Variants in FOXP1 observed in about 807,000 individuals in gnomAD.
FOXP1 encodes forkhead box P1.
A neutral mutation model predicts 98.2 loss-of-function variants in FOXP1; 15 were observed. The observed-to-expected ratio is 0.15, with a 90% CI of 0.10 to 0.24. The LOEUF (loss-of-function observed/expected upper bound fraction) is 0.24. Among genes scored for constraint, FOXP1 ranks in the 10% least tolerant of loss-of-function variants. The probability of loss-of-function intolerance (pLI) is 1.00; values close to 1 mark genes in which losing one functional copy is unlikely to be tolerated. For synonymous variants in FOXP1, 371 were observed against 314.5 expected, an observed-to-expected ratio of 1.18 and a Z score of -1.90; for missense variants, 633 against 848.5, an observed-to-expected ratio of 0.75 and a Z score of 3.15.
At chr3:71,264,074 T>C (rs1213084856) in intron 5 of FOXP1, among the ~76,000 whole-genome samples, 2 of 152,152 alleles carry the variant, frequency 1.3e-5, no homozygotes, top group Non-Finnish European at 2.9e-5. Flanking sequence ...TCAGAAAGGA[T>C]ATCTGTCTAG....
At chr3:71,451,217 T>C (rs1370531877) in intron 3 of FOXP1, among the ~76,000 whole-genome samples, 1 of 152,202 alleles carries the variant, frequency 6.6e-6, no homozygotes, top group East Asian at 1.9e-4. Context: ...CCACCAGGCC[T>C]GAAATCATTC....
At chr3:71,201,221 A>G (rs1296020511) in intron 5 of FOXP1, among the ~76,000 whole-genome samples, 1 of 152,260 alleles carries the variant, frequency 6.6e-6, no homozygotes, top group African/African-American at 2.4e-5. Flanking sequence ...TATAAGAATC[A>G]GGTAACAAGA....
At position 70,994,602 on chromosome 3, in the gene FOXP1, T is replaced by C. The variant is rs151201582; in HGVS notation, c.1062+6370A>G. Among the ~76,000 whole-genome samples the C allele has an allele frequency of 2.0e-5, 3 of 152,278 alleles. No homozygotes were observed. The East Asian group carries it at 5.8e-4, about 29-fold the overall frequency. On this transcript the variant is annotated intron_variant, in intron 13 of 20. Coordinates refer to ENST00000649528, the MANE Select transcript of FOXP1 (RefSeq NM_001349338.3). ...CCTGGTCTTACCCTACTAGGTTGTG[T>C]ATTACGGGAAGAGGCCACACCACCT... is the stretch of plus-strand genomic sequence containing the variant.
intron 2 of FOXP1, among the ~76,000 whole-genome samples, chr3:71,551,052 G>A (rs1470899638): frequency 6.6e-6 from 1 of 152,156 alleles, no homozygotes; most frequent in Non-Finnish European, 1.5e-5. Flanking sequence ...GAAACACTGA[G>A]AAAACTGGTT....
chr3:71,011,481 T>C (rs945251053), intron 12 of FOXP1, among the ~76,000 whole-genome samples: 1 of 152,098 alleles, frequency 6.6e-6, no homozygotes, highest in Non-Finnish European at 1.5e-5. Flanking sequence ...GAAGACAACA[T>C]AGAAAAACAG....
chr3:71,166,987 T>C (rs553531969), intron 6 of FOXP1, among the ~76,000 whole-genome samples: 72 of 152,196 alleles, frequency 4.7e-4, no homozygotes, highest in African/African-American at 1.7e-3. Flanking sequence ...TCCGGTTATC[T>C]TGTTCTGTGA....
chr3:71,116,867 A>G (rs552716469), intron 6 of FOXP1, among the ~76,000 whole-genome samples: 2 of 152,210 alleles, frequency 1.3e-5, no homozygotes, highest in Admixed American at 1.3e-4. Flanking sequence ...TCCACCATCT[A>G]TGATTTGTAA....
At position 71,031,960 on chromosome 3, in the gene FOXP1, A is replaced by C. The variant is rs551115939; in HGVS notation, c.869+9368T>G. 2.0e-5 allele frequency among the ~76,000 whole-genome samples: 3 copies of C among 152,340 alleles called. No homozygotes were observed. The South Asian group carries it at 6.2e-4, about 32-fold the overall frequency. On this transcript the variant is annotated intron_variant, in intron 11 of 20. Coordinates refer to ENST00000649528, the MANE Select transcript of FOXP1 (RefSeq NM_001349338.3). ...CTGCTGAGTTAACCACGTGCTTCAAAAAATAAAGGGGGAGGAAAGGAAGCC... is the reference window on the plus strand; with the variant it reads ...CTGCTGAGTTAACCACGTGCTTCAACAAATAAAGGGGGAGGAAAGGAAGCC...
intron 3 of FOXP1, among the ~76,000 whole-genome samples, chr3:71,410,753 C>T (rs1275171734): frequency 6.6e-6 from 1 of 152,198 alleles, no homozygotes; most frequent in East Asian, 1.9e-4. Flanking sequence ...AGGCTTTGTT[C>T]CATGATACCT....
chr3:71,548,292 TACAC>T (rs911399984), intron 2 of FOXP1, among the ~76,000 whole-genome samples: 2 of 152,092 alleles, frequency 1.3e-5, no homozygotes, highest in Admixed American at 6.5e-5. Flanking sequence ...CATACACAAA[TACAC>T]ACACACACAA....
Position 71,015,647 on chromosome 3 carries a change from G to A in FOXP1, c.876C>T (p.Ser292=), listed in dbSNP as rs750568434. The change falls in exon 12 of 21, where the codon TCC becomes TCT. Residue 292 remains serine (S), a synonymous_variant. Transcript: ENST00000649528. ...GATGGCTATGGGGGTGCTCCTCATG[G>A]GACAAACTGAAAGAAAACACACAGA... ...SVHTPKRESL[S]HEEHPHSHPL... 6 of 1,604,670 alleles carry A rather than the reference G, an allele frequency of 3.7e-6. No individual in the cohort carries two copies. Among genetic ancestry groups the A allele is most frequent in the Non-Finnish European group, 2.6e-6 (3 of 1,171,758 alleles).
chr3:71,053,171 G>A (rs1197420749), intron 8 of FOXP1, among the ~76,000 whole-genome samples: 1 of 152,126 alleles, frequency 6.6e-6, no homozygotes, highest in South Asian at 2.1e-4. Flanking sequence ...ATCGTATGTG[G>A]AAGAAGTAAA....
chr3:71,533,223 T>C (rs2044002892), intron 2 of FOXP1, among the ~76,000 whole-genome samples: 1 of 152,220 alleles, frequency 6.6e-6, no homozygotes, highest in South Asian at 2.1e-4. Context: ...TTGAACAACC[T>C]GGGTTGGAAG....
intron 6 of FOXP1, chr3:71,130,680 A>G (rs764568997): frequency 6.3e-7 from 1 of 1,583,372 alleles, no homozygotes; most frequent in Non-Finnish European, 8.5e-7. Context: ...ACACACTGGA[A>G]CATTGCCCTT....
chr3:71,230,164 G>T (rs554641491), intron 5 of FOXP1, among the ~76,000 whole-genome samples: 1 of 152,306 alleles, frequency 6.6e-6, no homozygotes, highest in South Asian at 2.1e-4. Flanking sequence ...ACAAAACCTT[G>T]CAAAGGCCGC....
At chr3:71,496,207 G>C (rs1048472414) in intron 2 of FOXP1, among the ~76,000 whole-genome samples, 1 of 152,216 alleles carries the variant, frequency 6.6e-6, no homozygotes, top group African/African-American at 2.4e-5. Flanking sequence ...ACTGTCTCCA[G>C]TTTTATGATT....
chr3:71,172,686 G>A (rs182991857), intron 6 of FOXP1, among the ~76,000 whole-genome samples: 12 of 152,224 alleles, frequency 7.9e-5, no homozygotes, highest in Admixed American at 4.6e-4. Flanking sequence ...CTTGTTGATT[G>A]GTCCTGTGTT....
At chr3:71,181,059 T>C (rs953704037) in intron 6 of FOXP1, among the ~76,000 whole-genome samples, 1 of 152,190 alleles carries the variant, frequency 6.6e-6, no homozygotes, top group African/African-American at 2.4e-5. Flanking sequence ...GCCTGTCAAA[T>C]AAGAATTCGT....
chr3:71,503,891 T>G (rs1207422212), intron 2 of FOXP1, among the ~76,000 whole-genome samples: 1 of 152,062 alleles, frequency 6.6e-6, no homozygotes, highest in East Asian at 1.9e-4. Context: ...CCAAGGGCAT[T>G]TGGAGGCAGC....
Sources: allele counts gnomAD v4.1 joint callset (sites outside exome capture counted in the v4.1 genomes callset), GRCh38; gene constraint gnomAD v4.1.1; transcripts MANE v1.5; gene names NCBI Gene and HGNC (gene_info 2026-07-23, HGNC 2026-07-21).